ABCA13: variants seen among roughly 807,000 people sequenced by gnomAD.
ABCA13 encodes the protein ATP-binding cassette sub-family A member 13.
In ABCA13, 476 loss-of-function variants were observed where a neutral mutation model predicts 478.7. The ratio of observed to expected loss-of-function variants is 0.99; its 90% CI spans 0.92 to 1.07. The LOEUF is 1.07. ABCA13 is among the 50% of genes least tolerant of loss of function. The probability of loss-of-function intolerance (pLI) is 0.00; values close to 1 mark genes in which losing one functional copy is unlikely to be tolerated. For missense variants in ABCA13, 6,060 were observed against 5,910.6 expected (o/e 1.03, Z -0.83); for synonymous variants, 2,252 against 2,158.9 (o/e 1.04, Z -1.20).
intron 1 of ABCA13, among the ~76,000 whole-genome samples, chr7:48,179,546 T>G (rs1174861285): frequency 2.0e-5 from 3 of 152,198 alleles, no homozygotes; most frequent in Non-Finnish European, 4.4e-5. Flanking sequence ...GGTTTGAAGT[T>G]GGAGCTCCTG....
chr7:48,542,853 G>T (rs1271235140), intron 55 of ABCA13, among the ~76,000 whole-genome samples: 1 of 151,626 alleles, frequency 6.6e-6, no homozygotes. Flanking sequence ...AAATAGATGG[G>T]TCTAATCGTG....
At chr7:48,181,062 T>G (rs967593338) in intron 1 of ABCA13, among the ~76,000 whole-genome samples, 1 of 152,232 alleles carries the variant, frequency 6.6e-6, no homozygotes, top group Non-Finnish European at 1.5e-5. Flanking sequence ...TCGTTCCATC[T>G]GTTGGCTGGC....
intron 15 of ABCA13, among the ~76,000 whole-genome samples, chr7:48,265,971 G>C (rs1397069972): frequency 1.3e-5 from 2 of 151,676 alleles, no homozygotes; most frequent in Non-Finnish European, 3.0e-5. Context: ...ATCAGGAATA[G>C]ATGTCAGATT....
intron 42 of ABCA13, among the ~76,000 whole-genome samples, chr7:48,439,968 A>G (rs1345842019): frequency 2.0e-5 from 3 of 152,162 alleles, no homozygotes; most frequent in Admixed American, 1.3e-4. Flanking sequence ...CTACCAAAAC[A>G]GTATTATAAC....
At chr7:48,587,366 C>G in intron 57 of ABCA13, 78 bp downstream of exon 57, 1 of 1,435,528 alleles carries the variant, frequency 7.0e-7, no homozygotes, top group Non-Finnish European at 9.2e-7. Flanking sequence ...AAGGGTTTTT[C>G]TGGGAAGTAA....
chr7:48,495,965 C>T (rs1234906109), intron 48 of ABCA13, among the ~76,000 whole-genome samples: 1 of 151,900 alleles, frequency 6.6e-6, no homozygotes, highest in East Asian at 1.9e-4. Flanking sequence ...TATATCTTTC[C>T]CGTTATTTTA....
intron 15 of ABCA13, among the ~76,000 whole-genome samples, chr7:48,263,088 G>A (rs1015469387): frequency 6.6e-6 from 1 of 151,854 alleles, no homozygotes; most frequent in Non-Finnish European, 1.5e-5. Context: ...GCTACTCAAA[G>A]TGTGATCCCT....
At chr7:48,184,159 A>G (rs998849416) in intron 1 of ABCA13, among the ~76,000 whole-genome samples, 2 of 152,052 alleles carry the variant, frequency 1.3e-5, no homozygotes, top group African/African-American at 2.4e-5. Flanking sequence ...TAAAATGATG[A>G]TCTCATTGGG....
intron 59 of ABCA13, among the ~76,000 whole-genome samples, chr7:48,615,845 G>A (rs574427458): frequency 2.6e-4 from 40 of 152,200 alleles, no homozygotes; most frequent in Non-Finnish European, 5.0e-4. Context: ...GGTTGTTATG[G>A]TTGCTTTCCA....
At chr7:48,490,791 T>C (rs184920060) in intron 48 of ABCA13, among the ~76,000 whole-genome samples, 25 of 152,304 alleles carry the variant, frequency 1.6e-4, no homozygotes, top group Admixed American at 8.5e-4. Flanking sequence ...GTATGGACTT[T>C]AGTAAGCAAT....
At chr7:48,632,719 C>T (rs1794267731) in intron 59 of ABCA13, among the ~76,000 whole-genome samples, 1 of 152,116 alleles carries the variant, frequency 6.6e-6, no homozygotes, top group African/African-American at 2.4e-5. Context: ...TTATGGTCAA[C>T]TGATTTTTGC....
intron 55 of ABCA13, among the ~76,000 whole-genome samples, chr7:48,555,677 T>C (rs1324543745): frequency 6.6e-6 from 1 of 151,922 alleles, no homozygotes; most frequent in Non-Finnish European, 1.5e-5. Flanking sequence ...CTTTTTCATC[T>C]CTGATTTTAT....
At position 48,275,563 on chromosome 7, in the gene ABCA13, AAG is replaced by A; in HGVS notation, c.5898_5899del (p.Lys1966AsnfsTer5). ...AAACTTAAAAATGTCAACTTTACAA[AAG>A]TTACATCAGGTGAAAATATTCTTGA... On this transcript the variant is annotated frameshift_variant, in exon 17 of 62. Transcript: ENST00000435803. LOFTEE classifies it high-confidence loss of function. 1 of 1,613,722 alleles carries A rather than the reference AAG, an allele frequency of 6.2e-7. No homozygotes were observed. Among genetic ancestry groups the A allele is most frequent in the South Asian group, 1.1e-5 (1 of 91,072 alleles).
chr7:48,280,835 C>T (rs1241197932), intron 18 of ABCA13, among the ~76,000 whole-genome samples: 3 of 152,194 alleles, frequency 2.0e-5, no homozygotes, highest in Non-Finnish European at 4.4e-5. Flanking sequence ...AATTTGACTG[C>T]TAGTTTTCAG....
intron 29 of ABCA13, among the ~76,000 whole-genome samples, chr7:48,346,842 T>C (rs778707808): frequency 4.6e-5 from 7 of 152,218 alleles, no homozygotes; most frequent in Non-Finnish European, 8.8e-5. Context: ...CAAAGCCATG[T>C]CTTGTCAGCT....
intron 1 of ABCA13, among the ~76,000 whole-genome samples, chr7:48,186,211 T>A (rs1054867771): frequency 6.6e-6 from 1 of 152,080 alleles, no homozygotes; most frequent in Non-Finnish European, 1.5e-5. Context: ...AATTAAAGCA[T>A]ACTATTTGAA....
chr7:48,533,226 G>T (rs757134643), intron 55 of ABCA13, among the ~76,000 whole-genome samples: 4 of 151,906 alleles, frequency 2.6e-5, no homozygotes, highest in Non-Finnish European at 5.9e-5. Context: ...AAGAATTTTT[G>T]AATGTTAATC....
intron 1 of ABCA13, among the ~76,000 whole-genome samples, chr7:48,191,833 A>T (rs1452342949): frequency 3.9e-5 from 6 of 152,238 alleles, no homozygotes; most frequent in African/African-American, 1.4e-4. Context: ...ACAAGGAAGG[A>T]TTACTGCAAT....
chr7:48,374,600 C>T (rs1338277416), intron 34 of ABCA13, among the ~76,000 whole-genome samples, 184 bp downstream of exon 34: 1 of 152,192 alleles, frequency 6.6e-6, no homozygotes, highest in African/African-American at 2.4e-5. Flanking sequence ...GTTTTGAGAA[C>T]AATCAAGAAT....
Sources: allele counts gnomAD v4.1 joint callset (sites outside exome capture counted in the v4.1 genomes callset), GRCh38; gene constraint gnomAD v4.1.1; transcripts MANE v1.5; gene names NCBI Gene and HGNC (gene_info 2026-07-23, HGNC 2026-07-21).